The following KIF16B variants were observed in gnomAD, a reference collection of about 807,000 sequenced individuals.
The protein encoded by KIF16B is kinesin-like protein KIF16B.
A neutral mutation model predicts 156.3 loss-of-function variants in KIF16B; 98 were observed. The observed-to-expected ratio is 0.63, with a 90% CI of 0.53 to 0.74. The LOEUF (loss-of-function observed/expected upper bound fraction) is 0.74. KIF16B is among the 30% of genes least tolerant of loss of function. The pLI is 0.00. For missense variants in KIF16B, 1,421 were observed against 1,606.5 expected, an observed-to-expected ratio of 0.88 and a Z score of 1.97; for synonymous variants, 564 against 583.7, an observed-to-expected ratio of 0.97 and a Z score of 0.49.
chr20:16,567,428 T>C (rs775810062), intron 1 of KIF16B, among the ~76,000 whole-genome samples: 3 of 152,206 alleles, frequency 2.0e-5, no homozygotes, highest in Non-Finnish European at 4.4e-5. Context: ...ATCTCAACCG[T>C]ACACAGATTC....
At chr20:16,381,305 G>A (rs2065087655) in intron 18 of KIF16B, among the ~76,000 whole-genome samples, 1 of 152,092 alleles carries the variant, frequency 6.6e-6, no homozygotes, top group South Asian at 2.1e-4. Context: ...TTAAAAGCAG[G>A]CAGGTAGAAG....
chr20:16,382,804 T>C (rs893606753), intron 17 of KIF16B, among the ~76,000 whole-genome samples: 1 of 151,976 alleles, frequency 6.6e-6, no homozygotes, highest in Non-Finnish European at 1.5e-5. Flanking sequence ...CATTTTTCTG[T>C]TGCGGTAGAG....
At position 16,295,289 on chromosome 20, in the gene KIF16B, C is replaced by T. The variant is rs1267633906; in HGVS notation, c.3795+17046G>A. On this transcript the variant is annotated intron_variant, in intron 25 of 25. Coordinates refer to ENST00000354981, the MANE Select transcript of KIF16B (RefSeq NM_024704.5). ...GGCCTGAGGTCTGTGGAGCTCTGGG[C>T]TATGCTGCAATCCTTCCAGGAACTT... is the stretch of plus-strand genomic sequence containing the variant. Among the ~76,000 whole-genome samples the T allele has an allele frequency of 2.0e-5, 3 of 152,098 alleles. No individual in the cohort carries two copies. In the East Asian group the frequency reaches 5.8e-4, roughly 29 times the overall value.
intron 1 of KIF16B, among the ~76,000 whole-genome samples, chr20:16,546,494 G>C (rs1312412830): frequency 6.6e-6 from 1 of 152,176 alleles, no homozygotes; most frequent in African/African-American, 2.4e-5. Context: ...CCAACAAAAT[G>C]ATCTCTGGGA....
chr20:16,344,456 G>A (rs1031058657), intron 23 of KIF16B, among the ~76,000 whole-genome samples: 21 of 152,264 alleles, frequency 1.4e-4, no homozygotes, highest in African/African-American at 4.8e-4. Flanking sequence ...TATCTTCACT[G>A]TGACCTCTTC....
rs140278810 is a variant in KIF16B, at chr20:16,488,700, C to T, written c.1302+5591G>A. On this transcript the variant is annotated intron_variant, in intron 12 of 25. Coordinates refer to ENST00000354981, the MANE Select transcript of KIF16B (RefSeq NM_024704.5). ...TATTGTAGCCACGCAAAAGGGAAACCGATATGAAGGGTCTCAAGAATCCAT... is the reference window on the plus strand; with the variant it reads ...TATTGTAGCCACGCAAAAGGGAAACTGATATGAAGGGTCTCAAGAATCCAT... Among the ~76,000 whole-genome samples the T allele has an allele frequency of 3.9e-4, 59 of 152,256 alleles. 1 individual carries two copies. In the East Asian group the frequency reaches 0.01, roughly 27 times the overall value.
chr20:16,523,687 TA>T (rs1334323805), intron 3 of KIF16B, among the ~76,000 whole-genome samples: 1 of 152,138 alleles, frequency 6.6e-6, no homozygotes, highest in East Asian at 1.9e-4. Context: ...AAAACTACTT[TA>T]AATTTCATAT....
intron 25 of KIF16B, among the ~76,000 whole-genome samples, chr20:16,297,125 T>C (rs957258171): frequency 2.7e-4 from 41 of 152,234 alleles, no homozygotes; most frequent in African/African-American, 8.9e-4. Context: ...CCCACTCAGA[T>C]TGAAACTACA....
chr20:16,477,362 C>T (rs189106537), intron 12 of KIF16B, among the ~76,000 whole-genome samples: 1 of 151,404 alleles, frequency 6.6e-6, no homozygotes, highest in Non-Finnish European at 1.5e-5. Flanking sequence ...TGCCACAGTA[C>T]TCTGAGGAGA....
rs898829412 is a variant in KIF16B, at chr20:16,468,767, G to A, written c.1302+25524C>T. On this transcript the variant is annotated intron_variant, in intron 12 of 25. Coordinates refer to ENST00000354981, the MANE Select transcript of KIF16B (RefSeq NM_024704.5). ...TTGAAGATTTCCAACACTCCTCTATGAGAAATGCACACATCCAGTAGGCAG... is the reference window on the plus strand; with the variant it reads ...TTGAAGATTTCCAACACTCCTCTATAAGAAATGCACACATCCAGTAGGCAG... Among the ~76,000 whole-genome samples, 3 of 152,132 alleles carry A rather than the reference G, an allele frequency of 2.0e-5. No homozygotes were observed. The East Asian group carries it at 5.8e-4, about 29-fold the overall frequency.
intron 1 of KIF16B, among the ~76,000 whole-genome samples, chr20:16,538,100 A>G (rs1719999709): frequency 6.6e-6 from 1 of 152,048 alleles, no homozygotes; most frequent in Non-Finnish European, 1.5e-5. Flanking sequence ...ACACCTACCT[A>G]GTTCATCTCA....
intron 1 of KIF16B, among the ~76,000 whole-genome samples, chr20:16,543,054 C>A (rs1284539928): frequency 1.3e-5 from 2 of 152,130 alleles, no homozygotes; most frequent in African/African-American, 2.4e-5. Flanking sequence ...CTCTGAGGAG[C>A]CCAAACCCGG....
chr20:16,561,414 C>T (rs540148037), intron 1 of KIF16B, among the ~76,000 whole-genome samples: 9 of 152,148 alleles, frequency 5.9e-5, no homozygotes, highest in Admixed American at 2.6e-4. Context: ...AAAACATAAG[C>T]GCCCTTCATT....
chr20:16,504,739 T>C (rs149863407), intron 9 of KIF16B, among the ~76,000 whole-genome samples, 192 bp from the exon 10 acceptor site: 1 of 152,160 alleles, frequency 6.6e-6, no homozygotes, highest in Non-Finnish European at 1.5e-5. Flanking sequence ...AAATTAAGTG[T>C]CATTTTGCTC....
intron 11 of KIF16B, among the ~76,000 whole-genome samples, chr20:16,497,258 T>C (rs1334824320): frequency 1.3e-5 from 2 of 152,190 alleles, no homozygotes; most frequent in Non-Finnish European, 2.9e-5. Context: ...AGGGTGGTCA[T>C]TGTTGAGGCC....
chr20:16,367,646 T>G (rs41306786), intron 22 of KIF16B: 51,386 of 1,612,598 alleles, frequency 0.032, 904 homozygotes, highest in African/African-American at 0.043. Context: ...AAGTAAATCA[T>G]GTCAACCAAG....
chr20:16,405,414 AG>A (rs1460575689), intron 16 of KIF16B, among the ~76,000 whole-genome samples: 1 of 152,110 alleles, frequency 6.6e-6, no homozygotes, highest in Admixed American at 6.5e-5. Flanking sequence ...ACGACCCTCT[AG>A]GGAGACCCTG....
intron 17 of KIF16B, among the ~76,000 whole-genome samples, chr20:16,393,037 G>A (rs1260884122): frequency 6.6e-6 from 1 of 151,952 alleles, no homozygotes; most frequent in Non-Finnish European, 1.5e-5. Context: ...CATATTCAAC[G>A]GCGTGAGAAA....
intron 12 of KIF16B, among the ~76,000 whole-genome samples, chr20:16,443,400 G>A (rs748968030): frequency 1.3e-5 from 2 of 152,150 alleles, no homozygotes; most frequent in African/African-American, 4.8e-5. Flanking sequence ...TGAATAAATT[G>A]TCCTCTATGA....
Sources: gnomAD v4.1 joint callset for allele counts (sites outside exome capture counted in the v4.1 genomes callset) on GRCh38, gnomAD v4.1.1 for gene constraint, MANE v1.5 for transcripts, NCBI Gene and HGNC (gene_info 2026-07-23, HGNC 2026-07-21) for gene names.